The following FRMD4B variants were observed in gnomAD, a reference collection of about 807,000 sequenced individuals.
FRMD4B encodes FERM domain containing 4B.
Under a neutral mutation model 141.5 loss-of-function variants are expected in FRMD4B, and 74 were observed. That is an observed-to-expected ratio of 0.52 (90% confidence interval 0.43 to 0.63). The LOEUF is 0.63. Among genes scored for constraint, FRMD4B ranks in the 30% least tolerant of loss-of-function variants. FRMD4B has a pLI of 0.00. For synonymous variants in FRMD4B, 506 were observed against 467.9 expected (o/e 1.08, Z -1.05); for missense variants, 1,366 against 1,253.4 (o/e 1.09, Z -1.36).
At position 69,460,494 on chromosome 3, in the gene FRMD4B, A is replaced by G. The variant is rs1173742962; in HGVS notation, c.-128-27733T>C. ...GGATTACCGTATTTGTAAATGGAGG[A>G]CACAAATTGTCATCAGTAATTCCCA... On this transcript the variant is annotated intron_variant, in intron 1 of 5. Coordinates refer to the FRMD4B transcript ENST00000459638. 2.0e-5 allele frequency among the ~76,000 whole-genome samples: 3 copies of G among 152,306 alleles called. No homozygotes were observed. In the East Asian group the frequency reaches 5.8e-4, roughly 29 times the overall value.
chr3:69,291,910 C>CTTTTTTTTTTTTTTT (rs35703345), intron 4 of FRMD4B, among the ~76,000 whole-genome samples: 1 of 105,538 alleles, frequency 9.5e-6, no homozygotes, highest in Admixed American at 1.1e-4. Context: ...ACAGGAATCT[C>CTTTTTTTTTTTTTTT]TTTTTTTTTT....
At chr3:69,387,371 C>T (rs1704283054), upstream of FRMD4B, among the ~76,000 whole-genome samples, 1 of 152,182 alleles carries the variant, frequency 6.6e-6, no homozygotes, top group African/African-American at 2.4e-5. Flanking sequence ...CCAGCCTCAG[C>T]CTCCCAAAGT....
At chr3:69,182,415 C>T (rs1188462290) in intron 20 of FRMD4B, among the ~76,000 whole-genome samples, 183 bp downstream of exon 20, 1 of 152,064 alleles carries the variant, frequency 6.6e-6, no homozygotes, top group East Asian at 1.9e-4. Flanking sequence ...TATATTTGAA[C>T]AAATCAAATA....
Position 69,408,973 on chromosome 3 carries a change from A to G in FRMD4B, c.-1+23661T>C, listed in dbSNP as rs557091685. Among the ~76,000 whole-genome samples the G allele has an allele frequency of 5.9e-5, 9 of 152,254 alleles. No individual in the cohort carries two copies. The South Asian group carries it at 1.5e-3, about 25-fold the overall frequency. ...CCCACCTTATAATCTTGGAGGAATT[A>G]TTTAACCACCTTAAGGCTTGGCTTG... On this transcript the variant is annotated intron_variant, in intron 2 of 5. Coordinates refer to the FRMD4B transcript ENST00000459638.
chr3:69,481,201 C>T (rs12631968), intron 1 of FRMD4B, among the ~76,000 whole-genome samples: 42,897 of 151,954 alleles, frequency 0.28, 6,300 homozygotes, highest in East Asian at 0.36. Flanking sequence ...AGCTTGCGCA[C>T]GGTGTGCTGC....
intron 1 of FRMD4B, among the ~76,000 whole-genome samples, chr3:69,369,143 T>C (rs1204190296): frequency 2.0e-5 from 3 of 152,184 alleles, no homozygotes; most frequent in African/African-American, 7.2e-5. Context: ...TGAAGGTTGG[T>C]GGAAAAAAAG....
intron 5 of FRMD4B, among the ~76,000 whole-genome samples, chr3:69,251,304 G>T (rs1338497450): frequency 6.6e-6 from 1 of 152,062 alleles, no homozygotes; most frequent in East Asian, 1.9e-4. Context: ...GTGTTTCCTA[G>T]TTATACCAAG....
At chr3:69,415,170 C>T (rs1026844371) in intron 2 of FRMD4B, among the ~76,000 whole-genome samples, 1 of 152,070 alleles carries the variant, frequency 6.6e-6, no homozygotes, top group Non-Finnish European at 1.5e-5. Context: ...GGCCAGCTTA[C>T]AAACTTTTTA....
intron 2 of FRMD4B, among the ~76,000 whole-genome samples, chr3:69,403,940 C>T (rs1281982295): frequency 2.0e-5 from 3 of 152,108 alleles, no homozygotes; most frequent in Non-Finnish European, 2.9e-5. Context: ...TCTTGTCACC[C>T]GGGCTCTGGA....
chr3:69,530,877 A>T (rs1184466712), intron 1 of FRMD4B, among the ~76,000 whole-genome samples: 9 of 152,230 alleles, frequency 5.9e-5, no homozygotes, highest in Non-Finnish European at 1.2e-4. Context: ...AACGAAAAAC[A>T]TACCAATAAT....
intron 7 of FRMD4B, among the ~76,000 whole-genome samples, chr3:69,230,576 C>A (rs1165235687): frequency 6.6e-6 from 1 of 151,520 alleles, no homozygotes; most frequent in African/African-American, 2.4e-5. Flanking sequence ...TGAAACCCCA[C>A]CTCTATTAAA....
chr3:69,342,263 G>C (rs770162653), intron 1 of FRMD4B, among the ~76,000 whole-genome samples: 3 of 152,174 alleles, frequency 2.0e-5, no homozygotes, highest in Non-Finnish European at 4.4e-5. Flanking sequence ...GTCTGCAATG[G>C]ACATACTGTG....
At chr3:69,230,619 G>A (rs1007070533) in intron 7 of FRMD4B, among the ~76,000 whole-genome samples, 3 of 151,814 alleles carry the variant, frequency 2.0e-5, no homozygotes, top group Non-Finnish European at 4.4e-5. Flanking sequence ...ATAGTGGTGG[G>A]CACCTGTAAT....
chr3:69,357,473 T>C (rs929651073), intron 1 of FRMD4B, among the ~76,000 whole-genome samples: 18 of 152,138 alleles, frequency 1.2e-4, no homozygotes, highest in African/African-American at 4.3e-4. Context: ...AAAATACAAA[T>C]TGTGACACAG....
intron 1 of FRMD4B, among the ~76,000 whole-genome samples, chr3:69,354,904 A>T (rs764593901): frequency 9.9e-5 from 15 of 152,198 alleles, no homozygotes; most frequent in Non-Finnish European, 2.1e-4. Context: ...CAAAAAGTTT[A>T]ATACATATTT....
intron 11 of FRMD4B, among the ~76,000 whole-genome samples, chr3:69,215,298 T>TTTTTTTTTTTTTTTTC (rs2093129545): frequency 9.3e-6 from 1 of 107,102 alleles, no homozygotes; most frequent in Non-Finnish European, 2.0e-5. Flanking sequence ...TTTTTTTTTT[T>TTTTTTTTTTTTTTTTC]TTTTTTTTTT....
chr3:69,461,816 AGTTTTTACCTGTT>A (rs1199638048), intron 1 of FRMD4B, among the ~76,000 whole-genome samples: 1 of 152,068 alleles, frequency 6.6e-6, no homozygotes, highest in Non-Finnish European at 1.5e-5. Context: ...GGACGGCCCC[AGTTTTTACCTGTT>A]GTCTCTGAGT....
intron 7 of FRMD4B, among the ~76,000 whole-genome samples, chr3:69,246,678 G>A (rs1264828519): frequency 6.6e-6 from 1 of 152,192 alleles, no homozygotes. Flanking sequence ...GACAGGATAA[G>A]TGGCCACTCA....
intron 1 of FRMD4B, among the ~76,000 whole-genome samples, chr3:69,475,719 C>T (rs577195715): frequency 7.9e-4 from 120 of 152,016 alleles, no homozygotes; most frequent in African/African-American, 2.7e-3. Context: ...TGGGTATATA[C>T]CCAGTAATGG....
Sources: gnomAD v4.1 joint callset for allele counts (sites outside exome capture counted in the v4.1 genomes callset) on GRCh38, gnomAD v4.1.1 for gene constraint, MANE v1.5 for transcripts, NCBI Gene and HGNC (gene_info 2026-07-23, HGNC 2026-07-21) for gene names.